KCNT2: variants seen among roughly 807,000 people sequenced by gnomAD.
KCNT2 encodes the protein potassium sodium-activated channel subfamily T member 2, also known as potassium channel subfamily T member 2.
Under a neutral mutation model 153.8 loss-of-function variants are expected in KCNT2, and 67 were observed. The ratio of observed to expected loss-of-function variants is 0.44; its 90% CI spans 0.36 to 0.53. The LOEUF (loss-of-function observed/expected upper bound fraction) is 0.53. Ranked by LOEUF, KCNT2 falls within the 20% of genes least tolerant of loss-of-function variation. The pLI is 0.00. For synonymous variants in KCNT2, 500 were observed against 458.8 expected (o/e 1.09, Z -1.15); for missense variants, 975 against 1,354.8 (o/e 0.72, Z 4.40).
At chr1:196,589,721 A>G (rs1275278173) in intron 1 of KCNT2, among the ~76,000 whole-genome samples, 3 of 152,106 alleles carry the variant, frequency 2.0e-5, no homozygotes, top group East Asian at 3.8e-4. Context: ...GGCTCTCTGT[A>G]GGTGTTTTGA....
At chr1:196,270,895 G>A (rs1357384029) in intron 25 of KCNT2, among the ~76,000 whole-genome samples, 3 of 151,816 alleles carry the variant, frequency 2.0e-5, no homozygotes, top group East Asian at 1.9e-4. Context: ...GGCCAGAGGG[G>A]CTATCACTCA....
Position 196,379,565 on chromosome 1 carries a change from TTCTCTCTCTCTC to T in KCNT2, c.1295-6329_1295-6318del, listed in dbSNP as rs67709356. ...CCAGCCTAGGTAATACAGTGAGACT[TTCTCTCTCTCTC>T]TCTCTCTCTCTCTCTCTCTCTCTCT... is the stretch of plus-strand genomic sequence containing the variant. On this transcript the variant is annotated intron_variant, in intron 13 of 27. Coordinates refer to ENST00000294725, the MANE Select transcript of KCNT2 (RefSeq NM_198503.5). Among the ~76,000 whole-genome samples the T allele has an allele frequency of 5.4e-3, 734 of 136,228 alleles. 2 individuals are homozygous for T. The highest frequency in any genetic ancestry group is 0.012 in the African/African-American group (448 of 36,582). The allele number at this position is 136,228 out of a possible 152,430, so 89.4% of individuals were successfully genotyped here. A position where few individuals can be genotyped will look rare whatever the true frequency, so the allele number is the denominator to read the frequency against.
At position 196,360,897 on chromosome 1, in the gene KCNT2, G is replaced by A. The variant is rs140198737; in HGVS notation, c.1403+12243C>T. ...TGGCCGCAAAGATCCATGTAAGTTA[G>A]AGCAGAATAGTGCAAGGTGGGAGAG... On this transcript the variant is annotated intron_variant, in intron 14 of 27. Coordinates refer to ENST00000294725, the MANE Select transcript of KCNT2 (RefSeq NM_198503.5). Among the ~76,000 whole-genome samples the A allele has an allele frequency of 1.5e-3, 234 of 152,130 alleles. 5 individuals carry two copies. In the East Asian group the frequency reaches 0.038, roughly 25 times the overall value.
rs372731116 is a variant in KCNT2 at position 196,413,096 on chromosome 1, G to A, written c.1185+9954C>T. Among the ~76,000 whole-genome samples, 91 of 151,734 alleles carry A rather than the reference G, an allele frequency of 6.0e-4. 1 individual carries two copies. In the South Asian group the frequency reaches 0.019, roughly 31 times the overall value. Reference sequence around the variant, plus strand: ...GGAGTAGAACAGAAAGCTGATACCAGAAACCATGTATACATGTCATTATTA... The same window carrying A: ...GGAGTAGAACAGAAAGCTGATACCAAAAACCATGTATACATGTCATTATTA... On this transcript the variant is annotated intron_variant, in intron 12 of 27. Transcript: ENST00000294725.
At chr1:196,384,698 C>A (rs987322935) in intron 13 of KCNT2, among the ~76,000 whole-genome samples, 1 of 86,950 alleles carries the variant, frequency 1.2e-5, no homozygotes, top group Non-Finnish European at 2.3e-5. Flanking sequence ...CAGAGTGAGA[C>A]CCCATCTCCA....
chr1:196,486,191 A>G (rs1572613071), intron 3 of KCNT2, among the ~76,000 whole-genome samples: 2 of 151,952 alleles, frequency 1.3e-5, no homozygotes, highest in Non-Finnish European at 2.9e-5. Context: ...AAAAATGCTA[A>G]AAGTATTTAT....
chr1:196,477,209 GGTGA>G (rs951808289), intron 5 of KCNT2, among the ~76,000 whole-genome samples: 27 of 152,054 alleles, frequency 1.8e-4, no homozygotes, highest in African/African-American at 5.1e-4. Flanking sequence ...CTGAAAAAAG[GGTGA>G]GTTTGTAAAA....
chr1:196,284,248 A>AAAAAAAAAAAAAT, intron 23 of KCNT2, among the ~76,000 whole-genome samples: 6 of 10,050 alleles, frequency 6.0e-4, no homozygotes, highest in African/African-American at 6.9e-4. Flanking sequence ...AAAAAAAAAA[A>AAAAAAAAAAAAAT]ATATATATAT....
At chr1:196,421,093 A>T (rs549642684) in intron 12 of KCNT2, among the ~76,000 whole-genome samples, 1 of 152,124 alleles carries the variant, frequency 6.6e-6, no homozygotes, top group Admixed American at 6.6e-5. Flanking sequence ...CTCAACTTAA[A>T]TTTTAACTTC....
intron 1 of KCNT2, among the ~76,000 whole-genome samples, chr1:196,538,321 C>T (rs1359777418): frequency 6.6e-6 from 1 of 152,022 alleles, no homozygotes; most frequent in Non-Finnish European, 1.5e-5. Flanking sequence ...TCAGCATGGA[C>T]CAAAGGCTCA....
At chr1:196,571,591 T>C (rs756603555) in intron 1 of KCNT2, among the ~76,000 whole-genome samples, 15 of 152,158 alleles carry the variant, frequency 9.9e-5, no homozygotes, top group South Asian at 2.1e-4. Flanking sequence ...TTTACCTCTA[T>C]TGTGGAACAC....
intron 8 of KCNT2, among the ~76,000 whole-genome samples, chr1:196,454,163 A>T (rs1028233608): frequency 2.0e-5 from 3 of 151,906 alleles, no homozygotes; most frequent in Non-Finnish European, 4.4e-5. Flanking sequence ...CCATCTTGGA[A>T]TTTCCAGTAT....
At chr1:196,267,743 C>G (rs906759657) in intron 25 of KCNT2, among the ~76,000 whole-genome samples, 1 of 152,176 alleles carries the variant, frequency 6.6e-6, no homozygotes, top group African/African-American at 2.4e-5. Flanking sequence ...CAGGACTGTG[C>G]ACTCAGTGGT....
chr1:196,580,652 GT>G (rs1367074371), intron 1 of KCNT2, among the ~76,000 whole-genome samples: 1 of 152,124 alleles, frequency 6.6e-6, no homozygotes, highest in East Asian at 1.9e-4. Flanking sequence ...TGCATACATG[GT>G]ATTGCTCTAA....
chr1:196,565,295 T>C (rs1163876810), intron 1 of KCNT2, among the ~76,000 whole-genome samples: 3 of 151,574 alleles, frequency 2.0e-5, no homozygotes, highest in African/African-American at 7.3e-5. Flanking sequence ...AAAAGATAAG[T>C]GTTGGCTAGA....
intron 12 of KCNT2, among the ~76,000 whole-genome samples, chr1:196,418,134 C>G (rs1672899830): frequency 6.6e-6 from 1 of 151,758 alleles, no homozygotes; most frequent in African/African-American, 2.4e-5. Flanking sequence ...GTTTTCTAAC[C>G]ACTCATTGCT....
rs1480557398 is a variant in KCNT2, at chr1:196,479,171, T to C, written c.384+8A>G. 6.7e-7 allele frequency: 1 copy of C among 1,497,204 alleles called. No individual in the cohort carries two copies. The highest frequency in any genetic ancestry group is 9.3e-7 in the Non-Finnish European group (1 of 1,077,890). The allele number at this position is 1,497,204 out of a possible 1,614,324, so 92.7% of individuals were successfully genotyped here. On this transcript the variant is annotated splice_region_variant and intron_variant, in intron 5 of 27. Transcript: ENST00000294725. ...ATCAGCGGGAAACTGCTAATTAAAA[T>C]AACTTACCTTATAACTAAGATAACC...
chr1:196,309,832 C>G (rs1462713674), intron 21 of KCNT2, among the ~76,000 whole-genome samples: 1 of 151,732 alleles, frequency 6.6e-6, no homozygotes, highest in African/African-American at 2.4e-5. Flanking sequence ...TAATACGTCT[C>G]TTTTCCCTGG....
At chr1:196,576,072 TTATA>T (rs66537346) in intron 1 of KCNT2, among the ~76,000 whole-genome samples, 111,658 of 145,126 alleles carry the variant, frequency 0.77, 46,170 homozygotes, top group Middle Eastern at 0.95. Context: ...GTGTTAGGTT[TTATA>T]TATATATATA....
Sources: gnomAD v4.1 joint callset for allele counts (sites outside exome capture counted in the v4.1 genomes callset) on GRCh38, gnomAD v4.1.1 for gene constraint, MANE v1.5 for transcripts, NCBI Gene and HGNC (gene_info 2026-07-23, HGNC 2026-07-21) for gene names.